Variants in ARHGEF33 observed in about 807,000 individuals in gnomAD.
The protein encoded by ARHGEF33 is Rho guanine nucleotide exchange factor 33, also known as DH and coiled-coil domain-containing protein ENSP00000381780.
A neutral mutation model predicts 101.9 loss-of-function variants in ARHGEF33; 72 were observed. The ratio of observed to expected loss-of-function variants is 0.71; its 90% CI spans 0.58 to 0.86. The LOEUF is 0.86. Ranked by LOEUF, ARHGEF33 falls within the 40% of genes least tolerant of loss-of-function variation. The pLI is 0.00. For synonymous variants in ARHGEF33, 499 were observed against 442.5 expected (o/e 1.13, Z -1.60); for missense variants, 1,169 against 1,111.3 (o/e 1.05, Z -0.74).
At chr2:38,944,112 C>T (rs1039558019) in intron 10 of ARHGEF33, 82 bp downstream of exon 10, 89 of 1,411,158 alleles carry the variant, frequency 6.3e-5, no homozygotes, top group Non-Finnish European at 8.3e-5. Flanking sequence ...TTTGGGATTT[C>T]TGGGGCCTAT....
Position 38,949,281 on chromosome 2 carries a change from C to G in ARHGEF33, c.921-1708C>G, listed in dbSNP as rs549018864. 3.3e-5 allele frequency among the ~76,000 whole-genome samples: 5 copies of G among 152,326 alleles called. No homozygotes were observed. In the East Asian group the frequency reaches 7.7e-4, roughly 23 times the overall value. On this transcript the variant is annotated intron_variant, in intron 10 of 17. Transcript: ENST00000409978. The stretch of plus-strand genomic sequence containing the variant: ...AATATTCAAGTAAGTTCAGATCAAC[C>G]AGACCATCTCTTTTCTGTTTGTTAA...
At chr2:38,890,567 A>G (rs1223870533) in intron 1 of ARHGEF33, among the ~76,000 whole-genome samples, 2 of 152,212 alleles carry the variant, frequency 1.3e-5, no homozygotes, top group African/African-American at 4.8e-5. Context: ...TTGGTGTGTA[A>G]TGAGAAGAAC....
chr2:38,915,284 C>G (rs1443681580), intron 2 of ARHGEF33, among the ~76,000 whole-genome samples: 5 of 151,608 alleles, frequency 3.3e-5, no homozygotes. Flanking sequence ...ACAGGCAATA[C>G]AAACAAGTGA....
rs78801991 is a variant in ARHGEF33 at position 38,891,925 on chromosome 2, C to T, written c.-159+1939C>T. Among the ~76,000 whole-genome samples the T allele has an allele frequency of 4.3e-3, 657 of 152,134 alleles. 4 individuals carry two copies. Among genetic ancestry groups the T allele is most frequent in the African/African-American group, 0.011 (458 of 41,482 alleles). On this transcript the variant is annotated intron_variant, in intron 1 of 17. Transcript: ENST00000409978. ...CTTTGAATGCCCCAAATAAGATGAACGAAACAAATCATAAATGCTAATATT... is the reference window on the plus strand; with the variant it reads ...CTTTGAATGCCCCAAATAAGATGAATGAAACAAATCATAAATGCTAATATT...
At chr2:38,921,491 T>C (rs1014688468) in intron 4 of ARHGEF33, 68 bp downstream of exon 4, 21 of 1,076,420 alleles carry the variant, frequency 2.0e-5, no homozygotes, top group Non-Finnish European at 2.8e-5. Flanking sequence ...TCTTTATGTG[T>C]ACACGTTTTT....
At chr2:38,944,939 C>G (rs1460187434) in intron 10 of ARHGEF33, among the ~76,000 whole-genome samples, 1 of 151,614 alleles carries the variant, frequency 6.6e-6, no homozygotes, top group Non-Finnish European at 1.5e-5. Context: ...TAACAGCACG[C>G]TTTCCCAATG....
intron 13 of ARHGEF33, 49 bp downstream of exon 13, chr2:38,954,505 T>G: frequency 8.5e-7 from 1 of 1,170,050 alleles, no homozygotes; most frequent in Non-Finnish European, 1.2e-6. Context: ...GCTAAGTAAT[T>G]ATTGGTTTTG....
Position 38,914,530 on chromosome 2 carries a change from G to T in ARHGEF33, c.-85-4833G>T, listed in dbSNP as rs546803948. ...AAAAATACAACAATTATCCAGGCGT[G>T]GTGGCACACACCTATAATCCCAGCT... On this transcript the variant is annotated intron_variant, in intron 2 of 17. Transcript: ENST00000409978. Among the ~76,000 whole-genome samples, 90 of 152,184 alleles carry T rather than the reference G, an allele frequency of 5.9e-4. 1 individual carries two copies. In the South Asian group the frequency reaches 0.018, roughly 31 times the overall value.
intron 17 of ARHGEF33, among the ~76,000 whole-genome samples, chr2:38,972,562 C>T (rs921866887): frequency 2.6e-5 from 4 of 152,184 alleles, no homozygotes; most frequent in Non-Finnish European, 5.9e-5. Flanking sequence ...GTGAAAATAC[C>T]TAGTCAGTCA....
At chr2:38,919,725 G>A (rs1666713829) in intron 3 of ARHGEF33, among the ~76,000 whole-genome samples, 1 of 152,164 alleles carries the variant, frequency 6.6e-6, no homozygotes, top group Admixed American at 6.5e-5. Context: ...GCTGGGTAAG[G>A]CCAAGACACA....
At chr2:38,917,798 C>T (rs1310742604) in intron 2 of ARHGEF33, among the ~76,000 whole-genome samples, 1 of 149,898 alleles carries the variant, frequency 6.7e-6, no homozygotes, top group Admixed American at 6.7e-5. Flanking sequence ...CACTGCACTG[C>T]AGCCTGGGCA....
At chr2:38,949,314 G>A (rs992547659) in intron 10 of ARHGEF33, among the ~76,000 whole-genome samples, 5 of 152,300 alleles carry the variant, frequency 3.3e-5, no homozygotes, top group Non-Finnish European at 7.3e-5. Flanking sequence ...TAAACTTGCG[G>A]TGCTGAAAGC....
intron 13 of ARHGEF33, among the ~76,000 whole-genome samples, chr2:38,955,422 A>G (rs1037946075): frequency 2.7e-5 from 4 of 149,874 alleles, no homozygotes; most frequent in Non-Finnish European, 5.9e-5. Context: ...AATGCTTGGG[A>G]TTAATTTCAG....
At chr2:38,967,476 A>T (rs1277695619) in intron 17 of ARHGEF33, among the ~76,000 whole-genome samples, 2 of 152,246 alleles carry the variant, frequency 1.3e-5, no homozygotes, top group African/African-American at 4.8e-5. Flanking sequence ...TTCTAGGATC[A>T]TATAGACTTA....
chr2:38,921,668 G>A (rs1027716695), intron 4 of ARHGEF33, among the ~76,000 whole-genome samples: 1 of 152,064 alleles, frequency 6.6e-6, no homozygotes, highest in African/African-American at 2.4e-5. Flanking sequence ...TAACTCCTGG[G>A]CTCAAGCTCA....
intron 9 of ARHGEF33, 51 bp downstream of exon 9, chr2:38,937,610 C>T: frequency 9.1e-7 from 1 of 1,101,606 alleles, no homozygotes; most frequent in South Asian, 1.4e-5. Context: ...CAGGATGTAC[C>T]AGAGCTTTGA....
At chr2:38,895,736 G>C (rs1666107296) in intron 1 of ARHGEF33, 41 bp from the exon 2 acceptor site, 1 of 150,678 alleles carries the variant, frequency 6.6e-6, no homozygotes, top group African/African-American at 2.4e-5. Context: ...ATGCAAGGTA[G>C]CTATCATTAT....
At chr2:38,931,352 T>A (rs1003142404) in intron 7 of ARHGEF33, 101 bp downstream of exon 7, 24 of 1,082,786 alleles carry the variant, frequency 2.2e-5, no homozygotes, top group Non-Finnish European at 3.1e-5. Context: ...AAGAAAATGG[T>A]GTATTGCCTA....
At chr2:38,943,269 C>A (rs1208215011) in intron 9 of ARHGEF33, among the ~76,000 whole-genome samples, 1 of 152,104 alleles carries the variant, frequency 6.6e-6, no homozygotes, top group Non-Finnish European at 1.5e-5. Context: ...GATCTTTTTC[C>A]CTTGGGCAGT....
Sources: gnomAD v4.1 joint callset for allele counts (sites outside exome capture counted in the v4.1 genomes callset) on GRCh38, gnomAD v4.1.1 for gene constraint, MANE v1.5 for transcripts, NCBI Gene and HGNC (gene_info 2026-07-23, HGNC 2026-07-21) for gene names.